Variants in PDE4D observed in about 807,000 individuals in gnomAD.
PDE4D encodes the protein 3',5'-cyclic-AMP phosphodiesterase 4D.
Under a neutral mutation model 87.4 loss-of-function variants are expected in PDE4D, and 24 were observed. That is an observed-to-expected ratio of 0.27 (90% CI 0.20 to 0.39). The LOEUF is 0.39. PDE4D is among the 10% of genes least tolerant of loss of function. The pLI is 1.00. For synonymous variants in PDE4D, 384 were observed against 383.2 expected (o/e 1.00, Z -0.02); for missense variants, 714 against 1,041.0 (o/e 0.69, Z 4.32).
At chr5:58,996,482 T>TC (rs1399307105) in intron 6 of PDE4D, among the ~76,000 whole-genome samples, 1 of 152,162 alleles carries the variant, frequency 6.6e-6, no homozygotes, top group South Asian at 2.1e-4. Flanking sequence ...GTCTTTTTTT[T>TC]CATAAAAGAT....
intron 2 of PDE4D, among the ~76,000 whole-genome samples, chr5:59,201,235 A>G (rs1478444968): frequency 6.6e-6 from 1 of 152,154 alleles, no homozygotes; most frequent in Admixed American, 6.5e-5. Context: ...ACAAAGGTAA[A>G]TATTAAAATG....
At chr5:59,398,622 T>A (rs1365357789) in intron 1 of PDE4D, among the ~76,000 whole-genome samples, 4 of 116,464 alleles carry the variant, frequency 3.4e-5, no homozygotes, top group Non-Finnish European at 7.2e-5. Flanking sequence ...ACAGCCAATA[T>A]CATACTGAAT....
At chr5:60,314,019 G>A (rs137980385) in intron 1 of PDE4D, among the ~76,000 whole-genome samples, 1 of 152,070 alleles carries the variant, frequency 6.6e-6, no homozygotes, top group Non-Finnish European at 1.5e-5. Context: ...TTCCCCTTGA[G>A]AGCCAGCACA....
At chr5:59,829,979 G>A (rs987008987) in intron 1 of PDE4D, among the ~76,000 whole-genome samples, 12 of 147,578 alleles carry the variant, frequency 8.1e-5, no homozygotes, top group African/African-American at 3.2e-4. Context: ...AAATTCTGAG[G>A]TAAGAAGACA....
intron 5 of PDE4D, among the ~76,000 whole-genome samples, chr5:59,079,873 A>AGGAGAGGAGAGGAGAGGAGAGGAGG (rs1766404894): frequency 8.2e-6 from 1 of 121,230 alleles, no homozygotes; most frequent in African/African-American, 3.3e-5. Flanking sequence ...AGGAGAGGAG[A>AGGAGAGGAGAGGAGAGGAGAGGAGG]GGAGAGGAGA....
intron 4 of PDE4D, among the ~76,000 whole-genome samples, chr5:59,182,550 G>A (rs1741914997): frequency 6.6e-6 from 1 of 151,708 alleles, no homozygotes; most frequent in South Asian, 2.1e-4. Context: ...TTTAGTCCTT[G>A]CTCTGTGAAA....
intron 1 of PDE4D, among the ~76,000 whole-genome samples, chr5:59,713,361 C>T (rs921878370): frequency 4.6e-5 from 7 of 152,284 alleles, no homozygotes; most frequent in East Asian, 1.9e-4. Context: ...CCACGTAAGG[C>T]GCATTAGGTG....
chr5:60,041,520 G>A (rs762732046), intron 2 of PDE4D, among the ~76,000 whole-genome samples: 4 of 152,154 alleles, frequency 2.6e-5, no homozygotes, highest in East Asian at 1.9e-4. Flanking sequence ...CAAGATGGCC[G>A]AATAGGAACA....
intron 1 of PDE4D, among the ~76,000 whole-genome samples, chr5:59,557,734 G>A (rs568667618): frequency 2.6e-5 from 4 of 152,158 alleles, no homozygotes; most frequent in Non-Finnish European, 5.9e-5. Context: ...AAATAGCAAT[G>A]TGGAAATACA....
At chr5:60,087,539 C>T (rs574498141) in intron 2 of PDE4D, among the ~76,000 whole-genome samples, 1 of 152,016 alleles carries the variant, frequency 6.6e-6, no homozygotes, top group South Asian at 2.1e-4. Flanking sequence ...TAAGAAATTT[C>T]ACAAAAATAA....
chr5:60,227,967 T>A (rs903168933), intron 1 of PDE4D, among the ~76,000 whole-genome samples: 1 of 151,996 alleles, frequency 6.6e-6, no homozygotes, highest in East Asian at 1.9e-4. Flanking sequence ...ATTCATTTCC[T>A]CAAACACCCT....
chr5:59,876,970 A>G (rs1748691934), intron 1 of PDE4D, among the ~76,000 whole-genome samples: 1 of 152,202 alleles, frequency 6.6e-6, no homozygotes, highest in Admixed American at 6.5e-5. Context: ...ACAAATATTT[A>G]GAGCCAAAAA....
At chr5:59,915,019 G>T (rs919694541) in intron 3 of PDE4D, among the ~76,000 whole-genome samples, 15 of 152,090 alleles carry the variant, frequency 9.9e-5, no homozygotes, top group Admixed American at 5.2e-4. Context: ...GGAAGGAGCA[G>T]GTTTGAAGGT....
intron 1 of PDE4D, among the ~76,000 whole-genome samples, chr5:59,446,766 C>A (rs1357670186): frequency 6.6e-6 from 1 of 152,196 alleles, no homozygotes; most frequent in Non-Finnish European, 1.5e-5. Flanking sequence ...TGGGTAAGTT[C>A]TGCTGTGTTC....
At chr5:59,409,270 A>G (rs1792245697) in intron 1 of PDE4D, among the ~76,000 whole-genome samples, 1 of 152,138 alleles carries the variant, frequency 6.6e-6, no homozygotes, top group South Asian at 2.1e-4. Flanking sequence ...TCATTTCCAG[A>G]CAAGATTTTG....
chr5:59,272,002 T>C (rs1453020828), intron 1 of PDE4D, among the ~76,000 whole-genome samples: 1 of 151,856 alleles, frequency 6.6e-6, no homozygotes, highest in African/African-American at 2.4e-5. Context: ...ACCTAAGTAT[T>C]ACATGTATAC....
intron 3 of PDE4D, among the ~76,000 whole-genome samples, chr5:59,941,903 T>G (rs934610291): frequency 4.6e-5 from 7 of 152,218 alleles, no homozygotes; most frequent in Non-Finnish European, 8.8e-5. Context: ...AGGAAGCCCC[T>G]ACCTCTCTAC....
intron 1 of PDE4D, among the ~76,000 whole-genome samples, chr5:59,452,094 T>C (rs1241602869): frequency 6.6e-6 from 1 of 152,204 alleles, no homozygotes; most frequent in Non-Finnish European, 1.5e-5. Flanking sequence ...CATCAGCTAT[T>C]GTTAGTGTAT....
chr5:59,743,566 C>T (rs528011389), intron 1 of PDE4D, among the ~76,000 whole-genome samples: 158 of 152,126 alleles, frequency 1.0e-3, no homozygotes, highest in Non-Finnish European at 1.5e-3. Context: ...GAAATTGAAC[C>T]CTCGTGCACT....
Sources: gnomAD v4.1 joint callset for allele counts (sites outside exome capture counted in the v4.1 genomes callset) on GRCh38, gnomAD v4.1.1 for gene constraint, MANE v1.5 for transcripts, NCBI Gene and HGNC (gene_info 2026-07-23, HGNC 2026-07-21) for gene names.